DCDC1: variants seen among roughly 807,000 people sequenced by gnomAD.
DCDC1 encodes doublecortin domain-containing protein 1.
Under a neutral mutation model 178.3 loss-of-function variants are expected in DCDC1, and 200 were observed. That is an observed-to-expected ratio of 1.12 (90% confidence interval 1.00 to 1.26). The LOEUF is 1.26. Among genes scored for constraint, DCDC1 ranks in the 50% most tolerant of loss-of-function variants. The probability of loss-of-function intolerance (pLI) is 0.00; values close to 1 mark genes in which losing one functional copy is unlikely to be tolerated. For missense variants in DCDC1, 1,983 were observed against 1,749.2 expected, an observed-to-expected ratio of 1.13 and a Z score of -2.38; for synonymous variants, 690 against 604.8, an observed-to-expected ratio of 1.14 and a Z score of -2.07.
At position 30,909,112 on chromosome 11, in the gene DCDC1, T is replaced by C. The variant is rs1945271309; in HGVS notation, c.3752A>G (p.Tyr1251Cys). The part of the protein sequence containing the change: ...VCGYPVIVQK[Y>C]KPYNNGAANQ... ...GGCAGCTCCATTGTTGTACGGCTTA[T>C]ATTTCTGAAAAAAGAGGCAAAATAT... is the stretch of plus-strand genomic sequence containing the variant. The change falls in exon 29 of 39, where the codon TAT becomes TGT. Residue 1251 changes from tyrosine (Y) to cysteine (C), a missense_variant. Coordinates refer to ENST00000684477, the MANE Select transcript of DCDC1 (RefSeq NM_001387274.1). 3.7e-6 allele frequency: 6 copies of C among 1,602,246 alleles called. No individual in the cohort carries two copies. The highest frequency in any genetic ancestry group is 5.1e-6 in the Non-Finnish European group (6 of 1,172,124).
At chr11:31,027,621 A>G (rs1225228031) in intron 20 of DCDC1, among the ~76,000 whole-genome samples, 1 of 151,904 alleles carries the variant, frequency 6.6e-6, no homozygotes, top group African/African-American at 2.4e-5. Flanking sequence ...ACTTAGTGAC[A>G]TCTTAATCGT....
chr11:31,361,829 T>C (rs530813795), intron 1 of DCDC1, among the ~76,000 whole-genome samples: 1 of 152,318 alleles, frequency 6.6e-6, no homozygotes, highest in South Asian at 2.1e-4. Flanking sequence ...CTGTATCTAG[T>C]TTCTGGACCA....
intron 20 of DCDC1, among the ~76,000 whole-genome samples, chr11:31,009,683 T>A (rs1025155610): frequency 6.6e-6 from 1 of 152,140 alleles, no homozygotes; most frequent in South Asian, 2.1e-4. Flanking sequence ...TGCTTTTTGT[T>A]CTACTCAGGC....
Position 30,950,196 on chromosome 11 carries a change from G to A in DCDC1, c.2715+2249C>T, listed in dbSNP as rs183604901. Reference sequence around the variant, plus strand: ...GAAAGACAACAATGAATGCTGGTGAGAATAAGAAGAAAGAGAAACCTTTTC... The same window carrying A: ...GAAAGACAACAATGAATGCTGGTGAAAATAAGAAGAAAGAGAAACCTTTTC... On this transcript the variant is annotated intron_variant, in intron 21 of 38. Transcript: ENST00000684477. Among the ~76,000 whole-genome samples, 23 of 152,268 alleles carry A rather than the reference G, an allele frequency of 1.5e-4. No homozygotes were observed. The East Asian group carries it at 4.4e-3, about 29-fold the overall frequency.
At chr11:31,028,756 A>G (rs991929086) in intron 20 of DCDC1, among the ~76,000 whole-genome samples, 1 of 151,994 alleles carries the variant, frequency 6.6e-6, no homozygotes, top group Admixed American at 6.6e-5. Context: ...CTTTCTACTA[A>G]GAGGAATTTT....
intron 13 of DCDC1, 83 bp from the exon 14 acceptor site, chr11:31,103,852 C>T (rs1360183493): frequency 4.3e-6 from 3 of 697,072 alleles, no homozygotes; most frequent in Non-Finnish European, 7.7e-6. Context: ...ATAAAATACA[C>T]ATTATCATTG....
rs565027622 is a variant in DCDC1 at position 31,181,396 on chromosome 11, A to T, written c.1222-43612T>A. ...AACAGACTGCCTGCTCAAGTGGGTCACTGACCCCCATGCCTCCTGACTGGG... is the reference window on the plus strand; with the variant it reads ...AACAGACTGCCTGCTCAAGTGGGTCTCTGACCCCCATGCCTCCTGACTGGG... On this transcript the variant is annotated intron_variant, in intron 9 of 38. Coordinates refer to ENST00000684477, the MANE Select transcript of DCDC1 (RefSeq NM_001387274.1). Among the ~76,000 whole-genome samples the T allele has an allele frequency of 1.1e-3, 163 of 152,318 alleles. 2 individuals are homozygous for T. The highest frequency in any genetic ancestry group is 3.7e-3 in the African/African-American group (152 of 41,590).
intron 15 of DCDC1, among the ~76,000 whole-genome samples, chr11:31,096,269 C>T (rs1958145930): frequency 1.3e-5 from 2 of 152,130 alleles, no homozygotes; most frequent in Non-Finnish European, 2.9e-5. Flanking sequence ...AGGGGAATCC[C>T]CACAGTTTCT....
chr11:31,186,617 G>C (rs1329950670), intron 9 of DCDC1, among the ~76,000 whole-genome samples: 1 of 152,178 alleles, frequency 6.6e-6, no homozygotes, highest in Non-Finnish European at 1.5e-5. Context: ...AAGCCCCACA[G>C]ACAGTGCCAA....
intron 20 of DCDC1, among the ~76,000 whole-genome samples, chr11:31,012,929 G>A (rs1381514183): frequency 1.3e-5 from 2 of 152,052 alleles, no homozygotes; most frequent in Admixed American, 6.6e-5. Flanking sequence ...TCTGAAGAAC[G>A]ACTAAGGGAA....
At position 31,174,611 on chromosome 11, in the gene DCDC1, G is replaced by C. The variant is rs1295835204; in HGVS notation, c.1222-36827C>G. On this transcript the variant is annotated intron_variant, in intron 9 of 38. Transcript: ENST00000684477. ...CTGGGGGCAAGGGTGCCAGGCCCATGGACTGGAGTGGAAACTTGTGATGCT... is the reference window on the plus strand; with the variant it reads ...CTGGGGGCAAGGGTGCCAGGCCCATCGACTGGAGTGGAAACTTGTGATGCT... 3.3e-5 allele frequency among the ~76,000 whole-genome samples: 5 copies of C among 152,188 alleles called. No individual in the cohort carries two copies. The East Asian group carries it at 9.6e-4, about 29-fold the overall frequency.
chr11:31,154,319 C>G (rs560170716), intron 9 of DCDC1, among the ~76,000 whole-genome samples: 119 of 152,326 alleles, frequency 7.8e-4, no homozygotes, highest in African/African-American at 2.8e-3. Flanking sequence ...AATGCTCTCC[C>G]TCAACTAACA....
At chr11:31,285,716 T>C (rs1946772545) in intron 7 of DCDC1, among the ~76,000 whole-genome samples, 1 of 152,166 alleles carries the variant, frequency 6.6e-6, no homozygotes, top group Admixed American at 6.6e-5. Flanking sequence ...ATTGCTTTTT[T>C]ATACCTTGAC....
At chr11:31,366,181 G>A (rs1462130332) in intron 1 of DCDC1, among the ~76,000 whole-genome samples, 1 of 152,080 alleles carries the variant, frequency 6.6e-6, no homozygotes, top group African/African-American at 2.4e-5. Context: ...GAAAAGCCTG[G>A]ACTAAACACA....
intron 38 of DCDC1, among the ~76,000 whole-genome samples, chr11:30,867,939 G>C (rs550016853): frequency 6.6e-6 from 1 of 151,992 alleles, no homozygotes; most frequent in Non-Finnish European, 1.5e-5. Context: ...ATGGTCCCTC[G>C]GCCAGTCAGC....
At chr11:31,325,303 G>C (rs934903881) in intron 3 of DCDC1, among the ~76,000 whole-genome samples, 4 of 152,054 alleles carry the variant, frequency 2.6e-5, no homozygotes, top group Admixed American at 1.3e-4. Context: ...GCCCAATTCT[G>C]GGTCACTTGG....
At chr11:30,911,216 C>T (rs1488814557) in intron 28 of DCDC1, 111 bp downstream of exon 28, 2 of 820,722 alleles carry the variant, frequency 2.4e-6, no homozygotes, top group Non-Finnish European at 3.9e-6. Context: ...TAACAACATT[C>T]AAATAGGATT....
intron 3 of DCDC1, among the ~76,000 whole-genome samples, chr11:31,323,826 A>C (rs1010173913): frequency 4.6e-5 from 7 of 152,148 alleles, no homozygotes; most frequent in African/African-American, 1.7e-4. Flanking sequence ...AAAATCTCTT[A>C]AGTACACAAA....
chr11:31,358,722 G>T (rs1280035763), intron 1 of DCDC1, among the ~76,000 whole-genome samples: 1 of 152,000 alleles, frequency 6.6e-6, no homozygotes, highest in Non-Finnish European at 1.5e-5. Context: ...AATCCACAAA[G>T]AACTCAAACA....
Sources: allele counts gnomAD v4.1 joint callset (sites outside exome capture counted in the v4.1 genomes callset), GRCh38; gene constraint gnomAD v4.1.1; transcripts MANE v1.5; gene names NCBI Gene and HGNC (gene_info 2026-07-23, HGNC 2026-07-21).